DNAAF4: variants seen among roughly 807,000 people sequenced by gnomAD.
DNAAF4 encodes the protein dynein axonemal assembly factor 4.
A neutral mutation model predicts 51.8 loss-of-function variants in DNAAF4; 43 were observed. The ratio of observed to expected loss-of-function variants is 0.83; its 90% CI spans 0.65 to 1.07. The LOEUF (loss-of-function observed/expected upper bound fraction) is 1.07. Among genes scored for constraint, DNAAF4 ranks in the 50% least tolerant of loss-of-function variants. DNAAF4 has a pLI of 0.00. For missense variants in DNAAF4, 581 were observed against 493.0 expected, an observed-to-expected ratio of 1.18 and a Z score of -1.69; for synonymous variants, 194 against 165.6, an observed-to-expected ratio of 1.17 and a Z score of -1.32.
chr15:55,452,921 G>A (rs1294023509), intron 5 of DNAAF4, among the ~76,000 whole-genome samples: 1 of 152,166 alleles, frequency 6.6e-6, no homozygotes, highest in African/African-American at 2.4e-5. Flanking sequence ...GACCTCCCGG[G>A]TTCAAGCGAT....
chr15:55,421,640 A>T (rs1286303860), intron 7 of DNAAF4, among the ~76,000 whole-genome samples: 2 of 152,080 alleles, frequency 1.3e-5, no homozygotes, highest in African/African-American at 4.8e-5. Context: ...TAATCCCAGT[A>T]CTTCGGGAGG....
intron 3 of DNAAF4, among the ~76,000 whole-genome samples, chr15:55,491,531 A>T (rs1277965560): frequency 6.6e-6 from 1 of 150,488 alleles, no homozygotes; most frequent in African/African-American, 2.4e-5. Flanking sequence ...TGAGAGGGAG[A>T]GGGTGAGGAT....
intron 6 of DNAAF4, chr15:55,442,823 C>T (rs969192080): frequency 6.2e-7 from 1 of 1,612,706 alleles, no homozygotes; most frequent in African/African-American, 1.3e-5. Context: ...TTGAGATTGG[C>T]AGTCATGACG....
At chr15:55,477,106 A>G (rs996462822) in intron 4 of DNAAF4, among the ~76,000 whole-genome samples, 3 of 152,116 alleles carry the variant, frequency 2.0e-5, no homozygotes, top group Admixed American at 1.3e-4. Flanking sequence ...CAGGAGGCAG[A>G]GGTTGCAGTG....
chr15:55,503,393 G>A (rs909074117), intron 1 of DNAAF4, among the ~76,000 whole-genome samples: 1 of 152,104 alleles, frequency 6.6e-6, no homozygotes, highest in Non-Finnish European at 1.5e-5. Flanking sequence ...CCAATCAATC[G>A]GAAAAGAGGG....
At chr15:55,483,901 A>T (rs1358817242) in intron 4 of DNAAF4, among the ~76,000 whole-genome samples, 2 of 135,550 alleles carry the variant, frequency 1.5e-5, no homozygotes, top group African/African-American at 2.7e-5. Context: ...ATAATGGGAG[A>T]AGAGAGGAAA....
chr15:55,473,333 G>GTATATATA (rs2058292354), intron 4 of DNAAF4, among the ~76,000 whole-genome samples: 3 of 115,058 alleles, frequency 2.6e-5, no homozygotes, highest in African/African-American at 1.3e-4. Context: ...GTATATATAT[G>GTATATATA]TGTGTATATA....
chr15:55,469,653 A>AT (rs542701906), intron 4 of DNAAF4, among the ~76,000 whole-genome samples: 56 of 144,894 alleles, frequency 3.9e-4, no homozygotes, highest in Middle Eastern at 3.6e-3. Context: ...TGGCTAATTT[A>AT]TTTTTTTTTT....
intron 6 of DNAAF4, among the ~76,000 whole-genome samples, chr15:55,448,520 GTGTGTGTGTGTGT>G (rs1411049268): frequency 1.9e-3 from 57 of 30,374 alleles, no homozygotes; most frequent in African/African-American, 5.7e-3. Context: ...AAAAAAAAGG[GTGTGTGTGTGTGT>G]GTGTGTGTGT....
At chr15:55,460,795 C>T (rs1377652639) in intron 5 of DNAAF4, among the ~76,000 whole-genome samples, 1 of 150,730 alleles carries the variant, frequency 6.6e-6, no homozygotes, top group Admixed American at 6.6e-5. Context: ...GACAGAGCCT[C>T]GCTTTGTCAC....
At chr15:55,420,201 A>C (rs1174531627) in intron 7 of DNAAF4, among the ~76,000 whole-genome samples, 1 of 152,132 alleles carries the variant, frequency 6.6e-6, no homozygotes, top group East Asian at 1.9e-4. Context: ...TTCTAGGGAG[A>C]GGAAACTATA....
rs567575421 is a variant in DNAAF4, at chr15:55,502,321, A to G, written c.-255-3737T>C. On this transcript the variant is annotated intron_variant, in intron 1 of 9. Coordinates refer to ENST00000321149, the MANE Select transcript of DNAAF4 (RefSeq NM_130810.4). The stretch of plus-strand genomic sequence containing the variant: ...AGTTCAGGACATGCTACCCCAAATT[A>G]TGACACTTTAATTAAATTTTTAAAA... Among the ~76,000 whole-genome samples, 6 of 152,280 alleles carry G rather than the reference A, an allele frequency of 3.9e-5. No individual in the cohort carries two copies. The East Asian group carries it at 1.2e-3, about 29-fold the overall frequency.
chr15:55,437,963 A>C (rs1270921562), intron 7 of DNAAF4, among the ~76,000 whole-genome samples: 1 of 152,210 alleles, frequency 6.6e-6, no homozygotes, highest in Admixed American at 6.5e-5. Flanking sequence ...TAGGAAAATA[A>C]ACACAGAAGT....
Position 55,467,062 on chromosome 15 carries a change from CT to C in DNAAF4, c.504del (p.Ala169LeufsTer27). 1 of 1,552,718 alleles carries C rather than the reference CT, an allele frequency of 6.4e-7. No individual in the cohort carries two copies. Among genetic ancestry groups the C allele is most frequent in the South Asian group, 1.2e-5 (1 of 82,486 alleles). On this transcript the variant is annotated frameshift_variant, in exon 5 of 10. Transcript: ENST00000321149. LOFTEE classifies it high-confidence loss of function. Reference protein sequence around the residue: ...ALEAWKEYQRKAEEQKKIQRE... With the variant: ...ALEAWKEYQRXAEEQKKIQRE... ...CTCTGAATTTTTTTTTGCTCCTCAG[CT>C]TTTCTTTGATATTCTTTCCAGGCTT...
chr15:55,451,344 C>A (rs1686266257), intron 5 of DNAAF4, among the ~76,000 whole-genome samples: 2 of 152,134 alleles, frequency 1.3e-5, no homozygotes, highest in South Asian at 4.1e-4. Context: ...CTTTATTTTA[C>A]AATGCTCGGC....
chr15:55,489,797 C>T (rs2058544920), intron 4 of DNAAF4, among the ~76,000 whole-genome samples: 1 of 151,404 alleles, frequency 6.6e-6, no homozygotes, highest in Non-Finnish European at 1.5e-5. Flanking sequence ...AGTCATGGGT[C>T]CACAAAAATC....
chr15:55,492,547 CTT>C (rs919481405), intron 3 of DNAAF4, among the ~76,000 whole-genome samples: 1 of 147,556 alleles, frequency 6.8e-6, no homozygotes, highest in Non-Finnish European at 1.5e-5. Flanking sequence ...TTGTGATATA[CTT>C]TTTTTTTTTG....
At chr15:55,450,181 T>G in intron 6 of DNAAF4, 41 bp downstream of exon 6, 3 of 1,536,826 alleles carry the variant, frequency 2.0e-6, no homozygotes, top group Non-Finnish European at 2.6e-6. Flanking sequence ...AAATAAAGTA[T>G]TTTCATTTGT....
intron 6 of DNAAF4, among the ~76,000 whole-genome samples, chr15:55,445,272 G>C (rs936809034): frequency 5.9e-5 from 9 of 151,910 alleles, no homozygotes; most frequent in African/African-American, 1.9e-4. Flanking sequence ...TCAAGCGTCT[G>C]TTTAACAAAG....
Sources: allele counts gnomAD v4.1 joint callset (sites outside exome capture counted in the v4.1 genomes callset), GRCh38; gene constraint gnomAD v4.1.1; transcripts MANE v1.5; gene names NCBI Gene and HGNC (gene_info 2026-07-23, HGNC 2026-07-21).